The following TNFRSF1B variants were observed in gnomAD, a reference collection of about 807,000 sequenced individuals.
The protein encoded by TNFRSF1B is tumor necrosis factor receptor superfamily member 1B.
TNFRSF1B carries 19 observed loss-of-function variants against 44.6 expected under a neutral mutation model. The observed-to-expected ratio is 0.43, with a 90% CI of 0.30 to 0.62. The LOEUF (loss-of-function observed/expected upper bound fraction) is 0.62. TNFRSF1B is among the 20% of genes least tolerant of loss of function. TNFRSF1B has a pLI of 0.16. For missense variants in TNFRSF1B, 541 were observed against 619.9 expected (o/e 0.87, Z 1.35); for synonymous variants, 252 against 261.1 (o/e 0.97, Z 0.34).
chr1:12,202,009 G>A lies in TNFRSF1B; in HGVS notation c.943G>A (p.Glu315Lys), dbSNP rs1314137285. 2 of 1,613,036 alleles carry A rather than the reference G, an allele frequency of 1.2e-6. No homozygotes were observed. Among genetic ancestry groups the A allele is most frequent in the Admixed American group, 1.7e-5 (1 of 59,968 alleles). The change falls in exon 9 of 10, where the codon GAG (glutamate) becomes AAG (lysine). Residue 315 changes from glutamate to lysine, a missense_variant. Glu to Lys is a moderately conservative substitution (Grantham distance 56). Transcript: ENST00000376259. ...TAAGGCCCGGGGTACACAGGGCCCCGAGCAGCAGCACCTGCTGATCACAGC... is the reference window on the plus strand; with the variant it reads ...TAAGGCCCGGGGTACACAGGGCCCCAAGCAGCAGCACCTGCTGATCACAGC... ...ADKARGTQGP[E>K]QQHLLITAPS...
chr1:12,194,145 G>A, intron 7 of TNFRSF1B, 113 bp downstream of exon 7: 2 of 824,582 alleles, frequency 2.4e-6, no homozygotes, highest in Non-Finnish European at 4.1e-6. Context: ...GCTGGATATG[G>A]GGGTCCTTGT....
chr1:12,194,656 G>C, intron 8 of TNFRSF1B, 38 bp downstream of exon 8: 1 of 1,613,234 alleles, frequency 6.2e-7, no homozygotes, highest in Non-Finnish European at 8.5e-7. Flanking sequence ...TCTTCCCCTG[G>C]TCTCCTTCCC....
chr1:12,190,280 G>A (rs1639082888), intron 2 of TNFRSF1B, among the ~76,000 whole-genome samples: 1 of 151,948 alleles, frequency 6.6e-6, no homozygotes, highest in African/African-American at 2.4e-5. Flanking sequence ...CCAACATGGT[G>A]GAACCCGTCT....
At chr1:12,188,943 T>A (rs772558571) in intron 2 of TNFRSF1B, 48 bp downstream of exon 2, 1 of 1,564,694 alleles carries the variant, frequency 6.4e-7, no homozygotes, top group Non-Finnish European at 8.7e-7. Flanking sequence ...TGGAGGAGCG[T>A]GTGTGTACAG....
chr1:12,192,627 A>G (rs565635562), intron 5 of TNFRSF1B, 103 bp downstream of exon 5: 1 of 1,228,332 alleles, frequency 8.1e-7, no homozygotes, highest in East Asian at 2.4e-5. Flanking sequence ...CATTGTCCAG[A>G]CTGCTTTATC....
chr1:12,179,983 A>C (rs1315583684), intron 1 of TNFRSF1B, among the ~76,000 whole-genome samples: 1 of 151,696 alleles, frequency 6.6e-6, no homozygotes, highest in Non-Finnish European at 1.5e-5. Context: ...TCGACCCCTA[A>C]AGCCTGAAGC....
At chr1:12,192,646 G>A in intron 5 of TNFRSF1B, 122 bp downstream of exon 5, 1 of 1,104,492 alleles carries the variant, frequency 9.1e-7, no homozygotes, top group Non-Finnish European at 1.4e-6. Flanking sequence ...TCTGAGGGTG[G>A]CTCCCAGGAT....
chr1:12,203,727 T>A (rs75693457), intron 9 of TNFRSF1B, among the ~76,000 whole-genome samples: 1 of 149,742 alleles, frequency 6.7e-6, no homozygotes, highest in East Asian at 1.9e-4. Context: ...TTCGTCTGAT[T>A]TTTTTTTTTT....
In TNFRSF1B at chr1:12,188,765, G is replaced by A. The variant is rs138534863; in HGVS notation, c.79-31G>A. The A allele has an allele frequency of 3.1e-6, 5 of 1,606,966 alleles. No individual in the cohort carries two copies. In the East Asian group the frequency reaches 8.9e-5, roughly 29 times the overall value. On this transcript the variant is annotated intron_variant, in intron 1 of 9. Transcript: ENST00000376259. ...CATGGCAGAACCCAGGGGCGGCCCT[G>A]TTGATGGCAGTCTTCCCTTCTTCCT...
At position 12,193,942 on chromosome 1, in the gene TNFRSF1B, C is replaced by G. The variant is rs1422856617; in HGVS notation, c.788-13C>G. On this transcript the variant is annotated splice_polypyrimidine_tract_variant and intron_variant, in intron 6 of 9. Transcript: ENST00000376259. ...GTTTTCTGTAGCTGTCTGAGCTTCT[C>G]TTTTCTTTCTAGGACTGATTGTGGG... 3 of 1,612,208 alleles carry G rather than the reference C, an allele frequency of 1.9e-6. No homozygotes were observed. In the Admixed American group the frequency reaches 5.0e-5, roughly 27 times the overall value.
intron 1 of TNFRSF1B, among the ~76,000 whole-genome samples, chr1:12,179,974 C>T (rs957780125): frequency 2.3e-4 from 35 of 152,084 alleles, no homozygotes; most frequent in Non-Finnish European, 2.9e-4. Flanking sequence ...GGCTTGATCT[C>T]GACCCCTAAA....
chr1:12,176,927 CT>C (rs1638671521), intron 1 of TNFRSF1B, among the ~76,000 whole-genome samples: 1 of 152,056 alleles, frequency 6.6e-6, no homozygotes, highest in Non-Finnish European at 1.5e-5. Flanking sequence ...CTCTCTCCAC[CT>C]GCTTTTTGCA....
At chr1:12,192,642 G>T in intron 5 of TNFRSF1B, 118 bp downstream of exon 5, 1 of 1,134,354 alleles carries the variant, frequency 8.8e-7, no homozygotes, top group Admixed American at 1.8e-5. Flanking sequence ...TTTATCTGAG[G>T]GTGGCTCCCA....
chr1:12,205,032 G>T (rs542480032), intron 9 of TNFRSF1B, among the ~76,000 whole-genome samples: 3 of 151,830 alleles, frequency 2.0e-5, no homozygotes, highest in Non-Finnish European at 4.4e-5. Flanking sequence ...AAAAAAAAAA[G>T]TCCCTACCCT....
intron 1 of TNFRSF1B, among the ~76,000 whole-genome samples, chr1:12,174,017 G>C (rs976880): frequency 2.0e-5 from 3 of 152,110 alleles, no homozygotes; most frequent in Non-Finnish European, 4.4e-5. Flanking sequence ...GGGAGTGCGG[G>C]GGGAGGGCTG....
chr1:12,181,351 C>T (rs1022562801), intron 1 of TNFRSF1B, among the ~76,000 whole-genome samples: 3 of 152,252 alleles, frequency 2.0e-5, no homozygotes, highest in Non-Finnish European at 2.9e-5. Flanking sequence ...CCCCTTGCAG[C>T]GCCCCCATGG....
chr1:12,175,734 T>C (rs1182727568), intron 1 of TNFRSF1B, among the ~76,000 whole-genome samples: 1 of 152,162 alleles, frequency 6.6e-6, no homozygotes, highest in Non-Finnish European at 1.5e-5. Flanking sequence ...TTGGCTCAAT[T>C]TCCTTCCTGT....
chr1:12,181,282 C>T (rs1284216746), intron 1 of TNFRSF1B, among the ~76,000 whole-genome samples: 1 of 152,174 alleles, frequency 6.6e-6, no homozygotes, highest in Non-Finnish European at 1.5e-5. Context: ...AAAACCAAGG[C>T]AGGAAGAGCC....
chr1:12,189,133 C>T lies in TNFRSF1B; in HGVS notation c.178+238C>T, dbSNP rs181226597. The stretch of plus-strand genomic sequence containing the variant: ...CCTTTAGACCTCAGCTGAAGATGTC[C>T]CCTCTTCCAGGAAGGCTGCCTGCCC... On this transcript the variant is annotated intron_variant, in intron 2 of 9. Coordinates refer to ENST00000376259, the MANE Select transcript of TNFRSF1B (RefSeq NM_001066.3). Among the ~76,000 whole-genome samples the T allele has an allele frequency of 1.3e-3, 203 of 152,328 alleles. 1 individual carries two copies. Among genetic ancestry groups the T allele is most frequent in the Non-Finnish European group, 2.0e-3 (138 of 68,022 alleles).
Sources: gnomAD v4.1 joint callset for allele counts (sites outside exome capture counted in the v4.1 genomes callset) on GRCh38, gnomAD v4.1.1 for gene constraint, MANE v1.5 for transcripts, NCBI Gene and HGNC (gene_info 2026-07-23, HGNC 2026-07-21) for gene names.